RPTOR: variants seen among roughly 807,000 people sequenced by gnomAD.
RPTOR encodes the protein regulatory associated protein of MTOR complex 1.
A neutral mutation model predicts 169.9 loss-of-function variants in RPTOR; 21 were observed. The ratio of observed to expected loss-of-function variants is 0.12; its 90% CI spans 0.09 to 0.18. The LOEUF (loss-of-function observed/expected upper bound fraction) is 0.18. Among genes scored for constraint, RPTOR ranks in the 10% least tolerant of loss-of-function variants. The pLI, the probability that RPTOR is intolerant of heterozygous loss-of-function variation, is 1.00. For missense variants in RPTOR, 1,133 were observed against 1,855.9 expected (o/e 0.61, Z 7.16); for synonymous variants, 732 against 753.2 (o/e 0.97, Z 0.46).
At position 80,962,923 on chromosome 17, in the gene RPTOR, C is replaced by T; in HGVS notation, c.3810-5C>T. 6.2e-7 allele frequency: 1 copy of T among 1,613,566 alleles called. No homozygotes were observed. Among genetic ancestry groups the T allele is most frequent in the Non-Finnish European group, 8.5e-7 (1 of 1,179,916 alleles). On this transcript the variant is annotated splice_region_variant and splice_polypyrimidine_tract_variant and intron_variant, in intron 32 of 33. Transcript: ENST00000306801. The stretch of plus-strand genomic sequence containing the variant: ...GTGATGCCGGGACCCTTTCTCTCCC[C>T]ACAGTGGCTCCGTCAATCAGTTCAC...
chr17:80,923,455 A>G (rs926192663), intron 22 of RPTOR, 35 bp from the exon 23 acceptor site: 2 of 1,612,230 alleles, frequency 1.2e-6, no homozygotes, highest in Non-Finnish European at 1.7e-6. Flanking sequence ...CAGACTCTGC[A>G]GAGGATGCAG....
Position 80,861,230 on chromosome 17 carries a change from C to T in RPTOR, c.1509+3330C>T, listed in dbSNP as rs1471878620. Among the ~76,000 whole-genome samples the T allele has an allele frequency of 6.9e-6, 1 of 144,580 alleles. No homozygotes were observed. The highest frequency in any genetic ancestry group is 2.0e-4 in the East Asian group (1 of 5,030). 94.9% of individuals were successfully genotyped at this position (144,580 alleles called of 152,430 possible). On this transcript the variant is annotated intron_variant, in intron 13 of 33. Transcript: ENST00000306801. This position sits in a 1 kb window ranked among gnomAD's most constrained non-coding sequence, Gnocchi z 4.5. ...GATTTGCCTCTGTAAAATCATGAGC[C>T]TTCGGCCGTCTGCCTTCAGCCACAG...
intron 9 of RPTOR, among the ~76,000 whole-genome samples, chr17:80,826,092 A>G (rs905502738): frequency 6.6e-6 from 1 of 152,134 alleles, no homozygotes; most frequent in Non-Finnish European, 1.5e-5. Context: ...TGTCAGACAT[A>G]GGCCACCCAG....
intron 1 of RPTOR, among the ~76,000 whole-genome samples, chr17:80,556,082 A>G (rs2143231034): frequency 6.7e-6 from 1 of 150,300 alleles, no homozygotes; most frequent in Non-Finnish European, 1.5e-5. Flanking sequence ...CTCACATGAG[A>G]CACTCACATC....
intron 21 of RPTOR, among the ~76,000 whole-genome samples, chr17:80,920,275 C>T (rs982042547): frequency 5.9e-5 from 9 of 152,348 alleles, no homozygotes; most frequent in South Asian, 2.1e-4. Context: ...GCGCAATCAA[C>T]GCTGAGTAAA....
chr17:80,915,336 G>A (rs1460836835), intron 21 of RPTOR, among the ~76,000 whole-genome samples: 4 of 67,580 alleles, frequency 5.9e-5, no homozygotes, highest in African/African-American at 2.3e-4. Flanking sequence ...CAGCTGCAGA[G>A]AGGAGTTAAC....
At chr17:80,628,708 C>G (rs2065415335) in intron 2 of RPTOR, among the ~76,000 whole-genome samples, 1 of 152,040 alleles carries the variant, frequency 6.6e-6, no homozygotes, top group African/African-American at 2.4e-5. Flanking sequence ...ACTTGAACAT[C>G]TGGGCTCTAG....
chr17:80,724,998 C>T (rs1021802360), intron 4 of RPTOR, among the ~76,000 whole-genome samples: 2 of 152,224 alleles, frequency 1.3e-5, no homozygotes, highest in Non-Finnish European at 2.9e-5. Context: ...TTGTACTCAT[C>T]TGTTTGGTAT....
chr17:80,637,371 G>C (rs140495773), intron 2 of RPTOR, among the ~76,000 whole-genome samples: 1 of 152,190 alleles, frequency 6.6e-6, no homozygotes, highest in African/African-American at 2.4e-5. Context: ...TGGAACTGGC[G>C]AGACGGGGTC....
intron 3 of RPTOR, among the ~76,000 whole-genome samples, chr17:80,650,092 A>G (rs1010964145): frequency 1.3e-5 from 2 of 152,250 alleles, no homozygotes; most frequent in African/African-American, 4.8e-5. Flanking sequence ...CACCAAAGAC[A>G]TTACAGAAAG....
At chr17:80,903,261 C>T (rs2068499481) in intron 20 of RPTOR, among the ~76,000 whole-genome samples, 1 of 152,240 alleles carries the variant, frequency 6.6e-6, no homozygotes. Context: ...CGCCTGTGCT[C>T]TCCACACCTG....
chr17:80,892,600 C>T, intron 18 of RPTOR, 129 bp from the exon 19 acceptor site: 1 of 1,045,690 alleles, frequency 9.6e-7, no homozygotes, highest in South Asian at 1.5e-5. Context: ...TGTGCAGCCC[C>T]TGCTCTGACA....
At chr17:80,925,657 C>T (rs536112668) in intron 24 of RPTOR, among the ~76,000 whole-genome samples, 177 bp downstream of exon 24, 1 of 152,324 alleles carries the variant, frequency 6.6e-6, no homozygotes, top group African/African-American at 2.4e-5. Context: ...ACCTTCCTGT[C>T]GCCAAACGAA....
At chr17:80,768,559 C>T (rs75905813) in intron 6 of RPTOR, among the ~76,000 whole-genome samples, 4,091 of 151,808 alleles carry the variant, frequency 0.027, 189 homozygotes, top group African/African-American at 0.094. Flanking sequence ...AGTGCTCAGC[C>T]CCGGCCTCAC....
chr17:80,776,038 A>G (rs903577402), intron 6 of RPTOR, among the ~76,000 whole-genome samples: 7 of 23,964 alleles, frequency 2.9e-4, no homozygotes, highest in Non-Finnish European at 3.4e-4. Context: ...TTTGCGGTAC[A>G]TAGAACCTTC....
intron 3 of RPTOR, among the ~76,000 whole-genome samples, chr17:80,664,470 G>A (rs1041433880): frequency 8.6e-5 from 13 of 151,900 alleles, no homozygotes; most frequent in South Asian, 8.3e-4. Flanking sequence ...CGCTCCCTGC[G>A]CCTGCCCCCT....
At chr17:80,640,522 A>T (rs1326098026) in intron 2 of RPTOR, among the ~76,000 whole-genome samples, 2 of 152,194 alleles carry the variant, frequency 1.3e-5, no homozygotes, top group African/African-American at 4.8e-5. Context: ...ATAGGCGGTT[A>T]TAGTGCCATG....
Position 80,695,474 on chromosome 17 carries a change from G to A in RPTOR, c.349-12367G>A, listed in dbSNP as rs2066028624. Among the ~76,000 whole-genome samples the A allele has an allele frequency of 6.6e-6, 1 of 152,148 alleles. No individual in the cohort carries two copies. The highest frequency in any genetic ancestry group is 1.5e-5 in the Non-Finnish European group (1 of 68,030). On this transcript the variant is annotated intron_variant, in intron 3 of 33. Coordinates refer to ENST00000306801, the MANE Select transcript of RPTOR (RefSeq NM_020761.3). The surrounding 1 kb of genome is among the most constrained non-coding windows in gnomAD (Gnocchi z 4.9). ...GTAACAGTGGCCTCTGTTACAGAGGGGCAGGTGGGTGGCTCACGTGTGGGC... is the reference window on the plus strand; with the variant it reads ...GTAACAGTGGCCTCTGTTACAGAGGAGCAGGTGGGTGGCTCACGTGTGGGC...
intron 8 of RPTOR, among the ~76,000 whole-genome samples, chr17:80,822,652 A>C (rs957748916): frequency 2.0e-5 from 3 of 151,974 alleles, no homozygotes; most frequent in Non-Finnish European, 2.9e-5. Context: ...TGTATTTTTT[A>C]TTGATTGGTT....
Sources: gnomAD v4.1 joint callset for allele counts (sites outside exome capture counted in the v4.1 genomes callset) on GRCh38, gnomAD v4.1.1 for gene constraint, Gnocchi (gnomAD v3.1) non-coding constraint, MANE v1.5 for transcripts, NCBI Gene and HGNC (gene_info 2026-07-23, HGNC 2026-07-21) for gene names.